Variants in SKI observed in about 807,000 individuals in gnomAD.
SKI encodes the protein SKI proto-oncogene.
SKI carries 23 observed loss-of-function variants against 59.3 expected under a neutral mutation model. The observed-to-expected ratio is 0.39, with a 90% CI of 0.28 to 0.55. SKI has a LOEUF of 0.55. SKI is among the 20% of genes least tolerant of loss of function. The probability of loss-of-function intolerance (pLI) is 0.67; values close to 1 mark genes in which losing one functional copy is unlikely to be tolerated. For missense variants in SKI, 1,017 were observed against 1,038.9 expected (o/e 0.98, Z 0.29); for synonymous variants, 673 against 488.6 (o/e 1.38, Z -4.98).
At chr1:2,272,091 C>T (rs987279013) in intron 1 of SKI, among the ~76,000 whole-genome samples, 9 of 152,206 alleles carry the variant, frequency 5.9e-5, no homozygotes, top group African/African-American at 1.7e-4. Flanking sequence ...TCCAGGCCTG[C>T]GTCCTGCAAA....
At chr1:2,239,041 G>A (rs1035693760) in intron 1 of SKI, among the ~76,000 whole-genome samples, 9 of 152,176 alleles carry the variant, frequency 5.9e-5, no homozygotes, top group Non-Finnish European at 7.3e-5. Flanking sequence ...CCTTCGCTCT[G>A]CCTCACCTGC....
At chr1:2,302,005 T>A (rs572281241) in intron 1 of SKI, among the ~76,000 whole-genome samples, 1 of 152,336 alleles carries the variant, frequency 6.6e-6, no homozygotes, top group Non-Finnish European at 1.5e-5. Context: ...AGACCTTGGG[T>A]CTCAGTTGTG....
At chr1:2,295,429 C>T (rs1179503206) in intron 1 of SKI, among the ~76,000 whole-genome samples, 1 of 152,252 alleles carries the variant, frequency 6.6e-6, no homozygotes, top group Non-Finnish European at 1.5e-5. Flanking sequence ...TAAAATTCTT[C>T]CTTCCACAGA....
At position 2,304,373 on chromosome 1, in the gene SKI, C is replaced by A. The variant is rs775800782; in HGVS notation, c.1555C>A (p.Arg519Ser). The A allele has an allele frequency of 6.4e-7, 1 of 1,551,886 alleles. No individual in the cohort carries two copies. Among genetic ancestry groups the A allele is most frequent in the Non-Finnish European group, 8.7e-7 (1 of 1,147,246 alleles). Residue 519 changes from arginine (R) to serine (S), a missense_variant, in exon 5 of 7, where the codon CGT becomes AGT. Arg to Ser is a moderately radical substitution (Grantham distance 110). Transcript: ENST00000378536. ...SAKDLGSPGA[R>S]ALPSAVPDAA... is the part of the protein sequence containing the mutation. ...CAAGGACCTGGGCTCCCCGGGTGCGCGTGCCCTGCCCTCGGCCGTCCCTGA... is the reference window on the plus strand; with the variant it reads ...CAAGGACCTGGGCTCCCCGGGTGCGAGTGCCCTGCCCTCGGCCGTCCCTGA...
Position 2,268,660 on chromosome 1 carries a change from G to A in SKI, c.970-34318G>A, listed in dbSNP as rs925048359. The stretch of plus-strand genomic sequence containing the variant: ...GTTTCACCCAATTTTCAGCTTTGAC[G>A]GAGAAATGAGGCTTGGAGTCTTTTT... On this transcript the variant is annotated intron_variant, in intron 1 of 6. Transcript: ENST00000378536. The surrounding 1 kb of genome is among the most constrained non-coding windows in gnomAD (Gnocchi z 5.0). 1.1e-4 allele frequency among the ~76,000 whole-genome samples: 17 copies of A among 152,184 alleles called. No homozygotes were observed. Among genetic ancestry groups the A allele is most frequent in the Non-Finnish European group, 2.1e-4 (14 of 68,028 alleles).
Position 2,256,235 on chromosome 1 carries a change from T to C in SKI, c.969+26500T>C, listed in dbSNP as rs576860550. Among the ~76,000 whole-genome samples, 90 of 151,668 alleles carry C rather than the reference T, an allele frequency of 5.9e-4. No individual in the cohort carries two copies. In the Middle Eastern group the frequency reaches 0.01, roughly 17 times the overall value. ...AGCACTCTGTCCTGACCTCATTTCCTGTCTTGTGTCCTGACCTCATTTCCT... is the reference window on the plus strand; with the variant it reads ...AGCACTCTGTCCTGACCTCATTTCCCGTCTTGTGTCCTGACCTCATTTCCT... On this transcript the variant is annotated intron_variant, in intron 1 of 6. Coordinates refer to ENST00000378536, the MANE Select transcript of SKI (RefSeq NM_003036.4).
At chr1:2,239,530 C>CA (rs1426207569) in intron 1 of SKI, among the ~76,000 whole-genome samples, 3 of 152,202 alleles carry the variant, frequency 2.0e-5, no homozygotes, top group African/African-American at 4.8e-5. Flanking sequence ...CACCTTTGTA[C>CA]GGGGACACAC....
Position 2,268,453 on chromosome 1 carries a change from GAGTC to G in SKI, c.970-34522_970-34519del, listed in dbSNP as rs927370299. 6.6e-6 allele frequency among the ~76,000 whole-genome samples: 1 copy of G among 152,210 alleles called. No individual in the cohort carries two copies. The highest frequency in any genetic ancestry group is 6.5e-5 in the Admixed American group (1 of 15,292). ...CCTCTTGTTAAGGGGGCACGGTAGT[GAGTC>G]AGGTGCCCGGGGGCTCATAAGCCAC... On this transcript the variant is annotated intron_variant, in intron 1 of 6. Coordinates refer to ENST00000378536, the MANE Select transcript of SKI (RefSeq NM_003036.4). The surrounding 1 kb of genome is among the most constrained non-coding windows in gnomAD (Gnocchi z 5.0).
At chr1:2,260,537 T>TTTTC (rs1639364417) in intron 1 of SKI, among the ~76,000 whole-genome samples, 2 of 102,672 alleles carry the variant, frequency 1.9e-5, no homozygotes, top group South Asian at 3.4e-4. Context: ...TTCTTTTTCT[T>TTTTC]TTTTTTTTTT....
At position 2,229,860 on chromosome 1, in the gene SKI, T is replaced by G; in HGVS notation, c.969+125T>G. The G allele has an allele frequency of 1.3e-6, 2 of 1,497,614 alleles. No individual in the cohort carries two copies. Among genetic ancestry groups the G allele is most frequent in the South Asian group, 2.5e-5 (2 of 80,018 alleles). The allele number at this position is 1,497,614 out of a possible 1,614,324, so 92.8% of individuals were successfully genotyped here. A position where few individuals can be genotyped will look rare whatever the true frequency, so the allele number is the denominator to read the frequency against. ...CTGCCGTGCCCCATGTCTCCAGTCT[T>G]CGCTTTGTTTTAGGGAAATTCAGAG... On this transcript the variant is annotated intron_variant, in intron 1 of 6. Coordinates refer to ENST00000378536, the MANE Select transcript of SKI (RefSeq NM_003036.4). The surrounding 1 kb of genome is among the most constrained non-coding windows in gnomAD (Gnocchi z 6.3).
At chr1:2,304,205 G>T (rs1042538941) in intron 4 of SKI, 88 bp from the exon 5 acceptor site, 2 of 1,566,444 alleles carry the variant, frequency 1.3e-6, no homozygotes, top group Non-Finnish European at 1.7e-6. Context: ...CCCATGTTTC[G>T]CAGGTTCCTC....
chr1:2,306,417 C>T (rs1640580695), intron 6 of SKI, among the ~76,000 whole-genome samples, 160 bp from the exon 7 acceptor site: 1 of 152,178 alleles, frequency 6.6e-6, no homozygotes, highest in African/African-American at 2.4e-5. Flanking sequence ...GTTGCTGGGC[C>T]CTGCGTCTCG....
intron 1 of SKI, among the ~76,000 whole-genome samples, chr1:2,231,885 C>T (rs761981966): frequency 3.9e-5 from 6 of 152,222 alleles, no homozygotes; most frequent in African/African-American, 9.6e-5. Flanking sequence ...ACTCTGCCCT[C>T]GCTCAGTGCC....
intron 1 of SKI, among the ~76,000 whole-genome samples, chr1:2,239,021 G>T (rs906104654): frequency 4.6e-5 from 7 of 152,178 alleles, no homozygotes; most frequent in African/African-American, 1.7e-4. Flanking sequence ...GGGTTGTGCC[G>T]TTGGCAGTGC....
chr1:2,249,689 T>A (rs1639080092), intron 1 of SKI, among the ~76,000 whole-genome samples: 1 of 152,144 alleles, frequency 6.6e-6, no homozygotes, highest in African/African-American at 2.4e-5. Context: ...GCTCACGGTG[T>A]CCCCTGCTCC....
chr1:2,277,897 C>T (rs1405000472), intron 1 of SKI, among the ~76,000 whole-genome samples: 1 of 151,874 alleles, frequency 6.6e-6, no homozygotes. Flanking sequence ...CACACCTGCA[C>T]TCAACGCACT....
In SKI at chr1:2,260,760, C is replaced by T. The variant is rs540280874; in HGVS notation, c.969+31025C>T. Among the ~76,000 whole-genome samples, 10 of 151,962 alleles carry T rather than the reference C, an allele frequency of 6.6e-5. No individual in the cohort carries two copies. The South Asian group carries it at 8.3e-4, about 13-fold the overall frequency. Reference sequence around the variant, plus strand: ...TTCGCTATGTTGCCCAGGCTGGTTGCGAACTCTAGCTCAAATGATCCGCCT... The same window carrying T: ...TTCGCTATGTTGCCCAGGCTGGTTGTGAACTCTAGCTCAAATGATCCGCCT... On this transcript the variant is annotated intron_variant, in intron 1 of 6. Transcript: ENST00000378536.
intron 1 of SKI, among the ~76,000 whole-genome samples, chr1:2,256,243 G>A (rs777504595): frequency 6.6e-6 from 1 of 152,064 alleles, no homozygotes; most frequent in Non-Finnish European, 1.5e-5. Context: ...CCTGTCTTGT[G>A]TCCTGACCTC....
chr1:2,291,555 G>A (rs1640162577), intron 1 of SKI, among the ~76,000 whole-genome samples: 1 of 152,246 alleles, frequency 6.6e-6, no homozygotes, highest in Non-Finnish European at 1.5e-5. Context: ...GGGCTGCAGA[G>A]GGAGCCCTCC....
Sources: gnomAD v4.1 joint callset for allele counts (sites outside exome capture counted in the v4.1 genomes callset) on GRCh38, gnomAD v4.1.1 for gene constraint, Gnocchi (gnomAD v3.1) non-coding constraint, MANE v1.5 for transcripts, NCBI Gene and HGNC (gene_info 2026-07-23, HGNC 2026-07-21) for gene names.